The following TAFA1 variants were observed in gnomAD, a reference collection of about 807,000 sequenced individuals.
TAFA1 encodes the protein TAFA chemokine like family member 1, also known as chemokine-like protein TAFA-1.
A neutral mutation model predicts 18.5 loss-of-function variants in TAFA1; 4 were observed. The ratio of observed to expected loss-of-function variants is 0.22; its 90% confidence interval spans 0.11 to 0.49. The LOEUF (loss-of-function observed/expected upper bound fraction) is 0.49. Among genes scored for constraint, TAFA1 ranks in the 20% least tolerant of loss-of-function variants. The probability of loss-of-function intolerance (pLI) is 0.98; values close to 1 mark genes in which losing one functional copy is unlikely to be tolerated. For synonymous variants in TAFA1, 56 were observed against 55.2 expected (o/e 1.01, Z -0.06); for missense variants, 147 against 169.0 (o/e 0.87, Z 0.72).
At chr3:68,501,341 C>A (rs1268717108) in intron 3 of TAFA1, among the ~76,000 whole-genome samples, 1 of 151,944 alleles carries the variant, frequency 6.6e-6, no homozygotes, top group Non-Finnish European at 1.5e-5. Flanking sequence ...CAGGTCATAA[C>A]CGAGGCTTGA....
At position 68,544,515 on chromosome 3, in the gene TAFA1, G is replaced by C; in HGVS notation, c.*12G>C. ...ACCCAAGAACCTAACAGAAGCATTT[G>C]TGGTAGTAAAGGAAAACCAACCCTC... On this transcript the variant is annotated 3_prime_UTR_variant, in exon 5 of 5. Transcript: ENST00000478136. 6.2e-7 allele frequency: 1 copy of C among 1,612,326 alleles called. No homozygotes were observed. Among genetic ancestry groups the C allele is most frequent in the Non-Finnish European group, 8.5e-7 (1 of 1,178,808 alleles).
chr3:68,305,443 A>ATG, intron 2 of TAFA1, among the ~76,000 whole-genome samples: 1 of 118,094 alleles, frequency 8.5e-6, no homozygotes, highest in Non-Finnish European at 1.8e-5. Context: ...ATATATATAT[A>ATG]TATATATATA....
chr3:68,475,920 G>A (rs1165884865), intron 3 of TAFA1, among the ~76,000 whole-genome samples: 1 of 152,186 alleles, frequency 6.6e-6, no homozygotes, highest in Non-Finnish European at 1.5e-5. Flanking sequence ...GTGATGAGGA[G>A]CATTTTTTCA....
intron 2 of TAFA1, among the ~76,000 whole-genome samples, chr3:68,110,697 C>G (rs562664786): frequency 6.6e-6 from 1 of 152,026 alleles, no homozygotes; most frequent in Non-Finnish European, 1.5e-5. Context: ...GAGGTAGGAC[C>G]AGGAGGACTT....
At chr3:68,473,779 G>T (rs576796870) in intron 3 of TAFA1, among the ~76,000 whole-genome samples, 2 of 152,052 alleles carry the variant, frequency 1.3e-5, no homozygotes, top group African/African-American at 4.8e-5. Flanking sequence ...CTCCAGAAAG[G>T]CCTTTCCTAT....
At chr3:68,158,062 AC>A (rs890592137) in intron 2 of TAFA1, among the ~76,000 whole-genome samples, 23 of 151,936 alleles carry the variant, frequency 1.5e-4, no homozygotes, top group African/African-American at 5.3e-4. Flanking sequence ...GCTTCACCCA[AC>A]CCCCTTACAA....
intron 3 of TAFA1, among the ~76,000 whole-genome samples, chr3:68,530,873 A>G (rs1318764980): frequency 1.3e-5 from 2 of 152,114 alleles, no homozygotes; most frequent in Non-Finnish European, 2.9e-5. Flanking sequence ...TTTGTGTTTG[A>G]TATGAAATTT....
chr3:68,301,761 T>C (rs2068306595), intron 2 of TAFA1, among the ~76,000 whole-genome samples: 1 of 152,196 alleles, frequency 6.6e-6, no homozygotes, highest in Admixed American at 6.5e-5. Context: ...CAGAAGTCGG[T>C]CAGATGACTG....
intron 2 of TAFA1, among the ~76,000 whole-genome samples, chr3:68,232,171 C>A (rs1209749663): frequency 6.6e-6 from 1 of 152,168 alleles, no homozygotes; most frequent in African/African-American, 2.4e-5. Flanking sequence ...TTCCTCCTAT[C>A]TACTGTCATT....
chr3:68,034,464 C>G (rs536932813), intron 2 of TAFA1, among the ~76,000 whole-genome samples: 7 of 152,302 alleles, frequency 4.6e-5, no homozygotes, highest in Admixed American at 1.3e-4. Flanking sequence ...GTGTCACACA[C>G]TTAGCAAGTA....
rs57372768 is a variant in TAFA1, at chr3:68,521,856, G to GTTTTTTTTTTTTTT, written c.260-16893_260-16880dup. ...TCTGGGTTTTTCTGTGTTTTTTTCTGTTTTTTTTTTTTTTTTTTTTGGAGA... is the reference window on the plus strand; with the variant it reads ...TCTGGGTTTTTCTGTGTTTTTTTCTGTTTTTTTTTTTTTTTTTTTTTTTTTTTTTTTTTTGGAGA... On this transcript the variant is annotated intron_variant, in intron 3 of 4. Coordinates refer to ENST00000478136, the MANE Select transcript of TAFA1 (RefSeq NM_213609.4). Among the ~76,000 whole-genome samples the GTTTTTTTTTTTTTT allele has an allele frequency of 2.1e-4, 15 of 70,856 alleles. 1 individual carries two copies. The highest frequency in any genetic ancestry group is 7.5e-4 in the South Asian group (1 of 1,330). 46.5% of individuals were successfully genotyped at this position (70,856 alleles called of 152,430 possible).
At chr3:68,409,125 C>T (rs1011082960) in intron 2 of TAFA1, among the ~76,000 whole-genome samples, 1 of 152,162 alleles carries the variant, frequency 6.6e-6, no homozygotes, top group Admixed American at 6.6e-5. Context: ...AATACCCACA[C>T]ACATGTACAT....
At position 68,411,330 on chromosome 3, in the gene TAFA1, T is replaced by C. The variant is rs565656105; in HGVS notation, c.119-5950T>C. ...ACTATACTCTGTATATATACTCTGC[T>C]ATACCAAAGGCATACACCCTTCTTG... On this transcript the variant is annotated intron_variant, in intron 2 of 4. Coordinates refer to ENST00000478136, the MANE Select transcript of TAFA1 (RefSeq NM_213609.4). Among the ~76,000 whole-genome samples, 5 of 152,198 alleles carry C rather than the reference T, an allele frequency of 3.3e-5. No homozygotes were observed. The South Asian group carries it at 1.0e-3, about 32-fold the overall frequency.
At chr3:68,073,243 A>G (rs2064779525) in intron 2 of TAFA1, among the ~76,000 whole-genome samples, 1 of 152,128 alleles carries the variant, frequency 6.6e-6, no homozygotes, top group South Asian at 2.1e-4. Flanking sequence ...ATTTTTATAG[A>G]TTTACTGAAC....
At chr3:68,332,314 A>G (rs767390608) in intron 2 of TAFA1, among the ~76,000 whole-genome samples, 1 of 152,192 alleles carries the variant, frequency 6.6e-6, no homozygotes, top group Non-Finnish European at 1.5e-5. Context: ...TAAAACTCCT[A>G]GGAGAAAATA....
intron 2 of TAFA1, among the ~76,000 whole-genome samples, chr3:68,161,878 T>G (rs902200233): frequency 2.6e-5 from 4 of 152,198 alleles, no homozygotes; most frequent in African/African-American, 7.2e-5. Context: ...ATTAATTTTC[T>G]AGACCATGGG....
intron 2 of TAFA1, among the ~76,000 whole-genome samples, chr3:68,198,854 A>G (rs1575675072): frequency 6.6e-6 from 1 of 151,662 alleles, no homozygotes; most frequent in Admixed American, 6.6e-5. Context: ...ATATCAGAGA[A>G]TGGACATTTT....
intron 3 of TAFA1, among the ~76,000 whole-genome samples, chr3:68,497,395 A>G (rs1014369973): frequency 1.3e-5 from 2 of 152,208 alleles, no homozygotes; most frequent in African/African-American, 4.8e-5. Context: ...GAAGAGCAAG[A>G]CACACCTATG....
chr3:68,036,276 T>G (rs760604438), intron 2 of TAFA1, among the ~76,000 whole-genome samples: 1 of 151,872 alleles, frequency 6.6e-6, no homozygotes, highest in Non-Finnish European at 1.5e-5. Context: ...CCATCTCTAC[T>G]AAAAATACAA....
Sources: allele counts gnomAD v4.1 joint callset (sites outside exome capture counted in the v4.1 genomes callset), GRCh38; gene constraint gnomAD v4.1.1; transcripts MANE v1.5; gene names NCBI Gene and HGNC (gene_info 2026-07-23, HGNC 2026-07-21).